The following ZNF423 variants were observed in gnomAD, a reference collection of about 807,000 sequenced individuals.
The protein encoded by ZNF423 is Ebf-associated zinc finger protein.
In ZNF423, 12 loss-of-function variants were observed where a neutral mutation model predicts 95.8. That is an observed-to-expected ratio of 0.13 (90% CI 0.08 to 0.20). ZNF423 has a LOEUF of 0.20. Among genes scored for constraint, ZNF423 ranks in the 10% least tolerant of loss-of-function variants. ZNF423 has a pLI of 1.00. For synonymous variants in ZNF423, 749 were observed against 711.9 expected, an observed-to-expected ratio of 1.05 and a Z score of -0.83; for missense variants, 1,316 against 1,737.1, an observed-to-expected ratio of 0.76 and a Z score of 4.31.
At chr16:49,858,307 C>T (rs1039491299), upstream of ZNF423, among the ~76,000 whole-genome samples, 1 of 150,666 alleles carries the variant, frequency 6.6e-6, no homozygotes, top group African/African-American at 2.4e-5. The surrounding 1 kb of genome is among the most constrained non-coding windows in gnomAD (Gnocchi z 4.3). Context: ...CAGCCGGGCC[C>T]GGCCCCGCTC....
Position 49,809,550 on chromosome 16 carries a change from G to A in ZNF423, c.41-20004C>T, listed in dbSNP as rs559794707. Among the ~76,000 whole-genome samples the A allele has an allele frequency of 4.2e-4, 64 of 152,326 alleles. 3 individuals carry two copies. The South Asian group carries it at 0.013, about 31-fold the overall frequency. On this transcript the variant is annotated intron_variant, in intron 1 of 7. Transcript: ENST00000563137. Reference sequence around the variant, plus strand: ...TGCTGGTCCTGGAACCCCCAAGAAGGCGAGAGGGGGACTTTGGGGAAAAGG... The same window carrying A: ...TGCTGGTCCTGGAACCCCCAAGAAGACGAGAGGGGGACTTTGGGGAAAAGG...
intron 5 of ZNF423, among the ~76,000 whole-genome samples, chr16:49,615,130 T>TCACACA (rs61428028): frequency 0.069 from 9,695 of 141,134 alleles, 324 homozygotes; most frequent in Non-Finnish European, 0.075. Flanking sequence ...AAACTCCATC[T>TCACACA]CACACACACA....
intron 7 of ZNF423, among the ~76,000 whole-genome samples, chr16:49,522,170 C>A (rs745648298): frequency 2.0e-5 from 3 of 152,176 alleles, no homozygotes; most frequent in Non-Finnish European, 2.9e-5. Flanking sequence ...TGTAGGGTCC[C>A]CCCTGGAGGG....
chr16:49,736,990 C>G (rs1296277144), intron 2 of ZNF423, among the ~76,000 whole-genome samples: 1 of 152,054 alleles, frequency 6.6e-6, no homozygotes, highest in African/African-American at 2.4e-5. Flanking sequence ...TTGCCAGGGA[C>G]AGAGGGAGGT....
chr16:49,711,493 A>C (rs1196114091), intron 3 of ZNF423: 1 of 152,238 alleles, frequency 6.6e-6, no homozygotes, highest in Non-Finnish European at 1.5e-5. Context: ...ATCAAAAATC[A>C]ATATAACATT....
intron 7 of ZNF423, among the ~76,000 whole-genome samples, chr16:49,515,906 C>T (rs1248250311): frequency 6.6e-6 from 1 of 152,176 alleles, no homozygotes; most frequent in African/African-American, 2.4e-5. Context: ...CCCCTCCCCT[C>T]AGGGTGGCTA....
chr16:49,636,813 G>A lies in ZNF423; in HGVS notation c.2363C>T (p.Ala788Val), dbSNP rs558658485. 6.2e-7 allele frequency: 1 copy of A among 1,614,134 alleles called. No homozygotes were observed. The highest frequency in any genetic ancestry group is 1.3e-5 in the African/African-American group (1 of 75,062). Reference sequence around the variant, plus strand: ...CTCCCCACAGAAGATGCACTTGTGAGCCTTGGCCGGGTTGCCCAGGTGGCT... The same window carrying A: ...CTCCCCACAGAAGATGCACTTGTGAACCTTGGCCGGGTTGCCCAGGTGGCT... ...KHSHLGNPAKAHKCIFCGETF... is the reference protein window; with the variant it reads ...KHSHLGNPAKVHKCIFCGETF... The change falls in exon 4 of 8, where the codon GCT (alanine) becomes GTT (valine). Residue 788 changes from alanine (A) to valine (V), a missense_variant. Coordinates refer to ENST00000563137, the MANE Select transcript of ZNF423 (RefSeq NM_001379286.1). This position sits in a 1 kb window ranked among gnomAD's most constrained non-coding sequence, Gnocchi z 8.6.
intron 5 of ZNF423, among the ~76,000 whole-genome samples, chr16:49,536,432 G>GTTTTT (rs767808121): frequency 7.9e-6 from 1 of 126,804 alleles, no homozygotes; most frequent in African/African-American, 3.0e-5. Context: ...TTTCTGGGTG[G>GTTTTT]TTTTTTTTTT....
intron 1 of ZNF423, among the ~76,000 whole-genome samples, chr16:49,814,569 C>G (rs1377915649): frequency 1.3e-5 from 2 of 151,806 alleles, no homozygotes; most frequent in Admixed American, 6.6e-5. Flanking sequence ...GAGGCTCAGA[C>G]AGGAAACACG....
chr16:49,506,501 G>C (rs995045123), intron 7 of ZNF423, among the ~76,000 whole-genome samples: 2 of 135,690 alleles, frequency 1.5e-5, no homozygotes, highest in African/African-American at 5.9e-5. Context: ...TAGATGAAAT[G>C]GTGTGTAGGT....
At chr16:49,665,930 G>T (rs772165693) in intron 3 of ZNF423, among the ~76,000 whole-genome samples, 1 of 152,214 alleles carries the variant, frequency 6.6e-6, no homozygotes, top group Non-Finnish European at 1.5e-5. Flanking sequence ...TGTAACCACT[G>T]AACAAATTAA....
At chr16:49,543,160 C>T (rs1338534695) in intron 5 of ZNF423, among the ~76,000 whole-genome samples, 1 of 152,160 alleles carries the variant, frequency 6.6e-6, no homozygotes, top group Non-Finnish European at 1.5e-5. Flanking sequence ...TTGTTAGAAA[C>T]AAATCACCCC....
In ZNF423 at chr16:49,764,248, G is replaced by C. The variant is rs1029414347; in HGVS notation, c.100+25239C>G. 2.0e-5 allele frequency among the ~76,000 whole-genome samples: 3 copies of C among 152,170 alleles called. No homozygotes were observed. The South Asian group carries it at 6.2e-4, about 32-fold the overall frequency. On this transcript the variant is annotated intron_variant, in intron 2 of 7. Transcript: ENST00000563137. ...AGCCTCTCACCACCAGTCCCCTCCA[G>C]CATAAGAGAAGACCATGCTGCACTG...
At chr16:49,511,731 C>T (rs1024825963) in intron 7 of ZNF423, among the ~76,000 whole-genome samples, 1 of 152,214 alleles carries the variant, frequency 6.6e-6, no homozygotes, top group African/African-American at 2.4e-5. Context: ...ACAGCTGCCT[C>T]CAGTAGTGGC....
intron 2 of ZNF423, among the ~76,000 whole-genome samples, chr16:49,779,988 G>A (rs1424403509): frequency 6.6e-6 from 1 of 152,214 alleles, no homozygotes; most frequent in African/African-American, 2.4e-5. Flanking sequence ...AGGGACACGA[G>A]ACAAATGACA....
At chr16:49,715,098 T>G (rs543232320) in intron 3 of ZNF423, among the ~76,000 whole-genome samples, 2 of 152,194 alleles carry the variant, frequency 1.3e-5, no homozygotes, top group East Asian at 3.8e-4. Flanking sequence ...GCATTTACTA[T>G]GCACCAGGTC....
Position 49,638,881 on chromosome 16 carries a change from G to A in ZNF423, c.302-7C>T. The A allele has an allele frequency of 6.3e-7, 1 of 1,594,900 alleles. No individual in the cohort carries two copies. Among genetic ancestry groups the A allele is most frequent in the Non-Finnish European group, 8.6e-7 (1 of 1,169,516 alleles). On this transcript the variant is annotated splice_region_variant and splice_polypyrimidine_tract_variant and intron_variant, in intron 3 of 7. Coordinates refer to ENST00000563137, the MANE Select transcript of ZNF423 (RefSeq NM_001379286.1). This position sits in a 1 kb window ranked among gnomAD's most constrained non-coding sequence, Gnocchi z 5.6. ...TGTGGGTCGTCATCACCATCTGCAA[G>A]AGAAGGCAGAGAGGATATTAGAGGC...
intron 3 of ZNF423, among the ~76,000 whole-genome samples, chr16:49,704,098 C>T (rs2032277386): frequency 6.6e-6 from 1 of 152,170 alleles, no homozygotes; most frequent in African/African-American, 2.4e-5. Flanking sequence ...AAAGGGATGA[C>T]TGAGCCCGGG....
rs1196394768 is a variant in ZNF423, at chr16:49,649,182, G to A, written c.302-10308C>T. 5.3e-5 allele frequency among the ~76,000 whole-genome samples: 8 copies of A among 152,110 alleles called. No homozygotes were observed. In the East Asian group the frequency reaches 7.7e-4, roughly 15 times the overall value. On this transcript the variant is annotated intron_variant, in intron 3 of 7. Coordinates refer to ENST00000563137, the MANE Select transcript of ZNF423 (RefSeq NM_001379286.1). ...ATGGGGAAAAAAGGGATGACTAAGCGGGCAGAACCTCAAGCCCAGAGGGTG... is the reference window on the plus strand; with the variant it reads ...ATGGGGAAAAAAGGGATGACTAAGCAGGCAGAACCTCAAGCCCAGAGGGTG...
Sources: allele counts gnomAD v4.1 joint callset (sites outside exome capture counted in the v4.1 genomes callset), GRCh38; gene constraint gnomAD v4.1.1; non-coding constraint Gnocchi (gnomAD v3.1); transcripts MANE v1.5; gene names NCBI Gene and HGNC (gene_info 2026-07-23, HGNC 2026-07-21).